LEMD1: variants seen among roughly 807,000 people sequenced by gnomAD.
LEMD1 encodes the protein LEM domain-containing protein 1.
In LEMD1, 18 loss-of-function variants were observed where a neutral mutation model predicts 17.4. The ratio of observed to expected loss-of-function variants is 1.04; its 90% CI spans 0.72 to 1.54. LEMD1 has a LOEUF of 1.54. LEMD1 is among the 40% of genes most tolerant of loss of function. The pLI is 0.00. For synonymous variants in LEMD1, 88 were observed against 77.8 expected, an observed-to-expected ratio of 1.13 and a Z score of -0.69; for missense variants, 195 against 210.4, an observed-to-expected ratio of 0.93 and a Z score of 0.45.
rs1161854098 is a variant in LEMD1 at position 205,419,125 on chromosome 1, A to T, written c.205+105T>A. ...TTCTGTGCAAAGAGGCCCTATGGCT[A>T]TTTCACAGGTCAGGCTGCACACCAT... On this transcript the variant is annotated intron_variant, in intron 3 of 5. Transcript: ENST00000367153. 1.4e-5 allele frequency: 19 copies of T among 1,339,238 alleles called. No homozygotes were observed. The East Asian group carries it at 4.2e-4, about 29-fold the overall frequency. 83.0% of individuals were successfully genotyped at this position (1,339,238 alleles called of 1,614,324 possible). A position where few individuals can be genotyped will look rare whatever the true frequency, so the allele number is the denominator to read the frequency against.
chr1:205,413,767 C>G (rs1280526104), intron 4 of LEMD1, among the ~76,000 whole-genome samples: 2 of 151,522 alleles, frequency 1.3e-5, no homozygotes, highest in African/African-American at 4.9e-5. Context: ...ATTCTTGTGC[C>G]TTAGCCTCCT....
At chr1:205,424,986 G>C (rs1666036650), upstream of LEMD1, among the ~76,000 whole-genome samples, 1 of 152,172 alleles carries the variant, frequency 6.6e-6, no homozygotes. Flanking sequence ...TAGAGAGGAA[G>C]ACACACGATT....
chr1:205,382,102 A>G lies in LEMD1; in HGVS notation c.348-246T>C, dbSNP rs907676992. The G allele has an allele frequency of 1.6e-5, 8 of 501,386 alleles. No individual in the cohort carries two copies. In the Admixed American group the frequency reaches 2.0e-4, roughly 13 times the overall value. 31.1% of individuals were successfully genotyped at this position (501,386 alleles called of 1,614,324 possible). On this transcript the variant is annotated intron_variant, in intron 5 of 5. Transcript: ENST00000367153. ...CTGCAGCCTTAACCTCCTGGGCTCA[A>G]GACATCCTCCCACGTCTGCCTCTCG...
At chr1:205,431,337 T>G (rs1230409404) in intron 1 of LEMD1, among the ~76,000 whole-genome samples, 1 of 152,212 alleles carries the variant, frequency 6.6e-6, no homozygotes, top group Non-Finnish European at 1.5e-5. Flanking sequence ...CGATTCCTAA[T>G]TTTTTCAACG....
intron 1 of LEMD1, among the ~76,000 whole-genome samples, chr1:205,428,020 G>A (rs1311978098): frequency 6.6e-6 from 1 of 152,240 alleles, no homozygotes; most frequent in Non-Finnish European, 1.5e-5. Context: ...GGCAACGGGT[G>A]AGGCTGGAAG....
upstream of LEMD1, among the ~76,000 whole-genome samples, chr1:205,423,040 C>T (rs543820157): frequency 9.8e-5 from 15 of 152,302 alleles, 1 homozygote; most frequent in South Asian, 2.5e-3. Context: ...TTATTCTACT[C>T]ATGAGCCCTA....
chr1:205,447,471 G>C (rs192837319), intron 1 of LEMD1, among the ~76,000 whole-genome samples: 1 of 152,186 alleles, frequency 6.6e-6, no homozygotes, highest in Admixed American at 6.5e-5. Flanking sequence ...ACTGGGGACT[G>C]GAACAGGGAG....
intron 4 of LEMD1, among the ~76,000 whole-genome samples, chr1:205,411,003 AGGAG>A (rs1035913921): frequency 4.0e-5 from 6 of 150,096 alleles, no homozygotes; most frequent in African/African-American, 1.5e-4. Flanking sequence ...AGAAAAGAAA[AGGAG>A]GGAGGGAGAG....
At chr1:205,397,197 G>A (rs1285000495) in intron 4 of LEMD1, among the ~76,000 whole-genome samples, 1 of 152,176 alleles carries the variant, frequency 6.6e-6, no homozygotes, top group African/African-American at 2.4e-5. Context: ...CCATGGAAAG[G>A]ACACTGAGGG....
Position 205,444,297 on chromosome 1 carries a change from T to G in LEMD1, c.-39+5571A>C, listed in dbSNP as rs544982574. On this transcript the variant is annotated intron_variant, in intron 1 of 3. Transcript: ENST00000367154. ...CTGACTGCAAGCTGTTGGCCCTGGCTTCTTCCCCATCCTCCTCTCTGGCTT... is the reference window on the plus strand; with the variant it reads ...CTGACTGCAAGCTGTTGGCCCTGGCGTCTTCCCCATCCTCCTCTCTGGCTT... Among the ~76,000 whole-genome samples, 3 of 152,270 alleles carry G rather than the reference T, an allele frequency of 2.0e-5. No individual in the cohort carries two copies. The South Asian group carries it at 6.2e-4, about 32-fold the overall frequency.
chr1:205,414,938 G>T (rs1394292078), intron 4 of LEMD1, among the ~76,000 whole-genome samples: 1 of 152,172 alleles, frequency 6.6e-6, no homozygotes, highest in Non-Finnish European at 1.5e-5. Context: ...GCAGCAGGGG[G>T]AAGAGACAGA....
chr1:205,395,116 A>G (rs1346390302), intron 4 of LEMD1, among the ~76,000 whole-genome samples: 1 of 152,134 alleles, frequency 6.6e-6, no homozygotes, highest in African/African-American at 2.4e-5. Context: ...ACATACTGAA[A>G]TTTTGGGCAG....
In LEMD1 at chr1:205,441,008, C is replaced by T. The variant is rs115354598; in HGVS notation, c.-39+8860G>A. The T allele has an allele frequency of 0.015, 2,230 of 152,392 alleles. 61 individuals are homozygous for T. The highest frequency in any genetic ancestry group is 0.052 in the African/African-American group (2,139 of 41,500). The allele number at this position is 152,392 out of a possible 1,614,324, so 9.4% of individuals were successfully genotyped here. A position where few individuals can be genotyped will look rare whatever the true frequency, so the allele number is the denominator to read the frequency against. On this transcript the variant is annotated intron_variant, in intron 1 of 3. Coordinates refer to the LEMD1 transcript ENST00000367154. This position sits in a 1 kb window ranked among gnomAD's most constrained non-coding sequence, Gnocchi z 4.3. The stretch of plus-strand genomic sequence containing the variant: ...AAGCCGTGGAGACCACAGAAGCAGG[C>T]GAAAGTGAACTGGGGCATGCCCTAC...
At chr1:205,438,960 C>A (rs1666251583) in intron 1 of LEMD1, among the ~76,000 whole-genome samples, 1 of 152,240 alleles carries the variant, frequency 6.6e-6, no homozygotes, top group Non-Finnish European at 1.5e-5. Context: ...ACTTTCCTAA[C>A]CTTTCCTCCT....
chr1:205,408,488 TTC>T (rs1665228236), intron 4 of LEMD1, among the ~76,000 whole-genome samples: 1 of 131,306 alleles, frequency 7.6e-6, no homozygotes, highest in Admixed American at 8.1e-5. Context: ...AACTTTTTCT[TTC>T]TTTCTTTCTT....
Position 205,419,318 on chromosome 1 carries a change from T to C in LEMD1, c.117A>G (p.Val39=). 1 of 1,614,190 alleles carries C rather than the reference T, an allele frequency of 6.2e-7. No homozygotes were observed. The highest frequency in any genetic ancestry group is 1.1e-5 in the South Asian group (1 of 91,080). ...STRKLYEKKL[V]QLLVSPPCAP... ...CACAGGGAGGTGAGACCAACAACTGTACTAACTTTTTTTCATACAACTTTC... is the reference window on the plus strand; with the variant it reads ...CACAGGGAGGTGAGACCAACAACTGCACTAACTTTTTTTCATACAACTTTC... The change falls in exon 3 of 6, where the codon GTA becomes GTG. Residue 39 remains valine, a synonymous_variant. Coordinates refer to ENST00000367153, the MANE Select transcript of LEMD1 (RefSeq NM_001199050.2).
chr1:205,382,116 G>A (rs1040293245), intron 5 of LEMD1: 42 of 460,954 alleles, frequency 9.1e-5, no homozygotes, highest in African/African-American at 3.8e-4. Context: ...ATCCTCCCAC[G>A]TCTGCCTCTC....
intron 1 of LEMD1, among the ~76,000 whole-genome samples, chr1:205,440,425 G>C (rs923886589): frequency 1.3e-5 from 2 of 152,210 alleles, no homozygotes; most frequent in African/African-American, 4.8e-5. Context: ...TCTTGCCCCA[G>C]GTCCTGGAAT....
chr1:205,391,945 C>T (rs996190989), intron 4 of LEMD1, among the ~76,000 whole-genome samples: 70 of 118,048 alleles, frequency 5.9e-4, no homozygotes, highest in Non-Finnish European at 1.0e-3. Flanking sequence ...TCGTCTCTAC[C>T]GAAAAAAAAA....
Sources: gnomAD v4.1 joint callset for allele counts (sites outside exome capture counted in the v4.1 genomes callset) on GRCh38, gnomAD v4.1.1 for gene constraint, Gnocchi (gnomAD v3.1) non-coding constraint, MANE v1.5 for transcripts, NCBI Gene and HGNC (gene_info 2026-07-23, HGNC 2026-07-21) for gene names.